The following MKX variants were observed in gnomAD, a reference collection of about 807,000 sequenced individuals.
MKX encodes mohawk homeobox.
In MKX, 13 loss-of-function variants were observed where a neutral mutation model predicts 36.0. The observed-to-expected ratio is 0.36, with a 90% CI of 0.24 to 0.57. The LOEUF (loss-of-function observed/expected upper bound fraction) is 0.57, where lower values mean the gene tolerates loss of function less well. Among genes scored for constraint, MKX ranks in the 20% least tolerant of loss-of-function variants. MKX has a pLI of 0.79. For synonymous variants in MKX, 176 were observed against 178.3 expected (o/e 0.99, Z 0.10); for missense variants, 458 against 456.4 (o/e 1.00, Z -0.03).
chr10:27,741,526 C>G lies in MKX; in HGVS notation c.189-22G>C, dbSNP rs199806590. On this transcript the variant is annotated intron_variant, in intron 2 of 6. Coordinates refer to ENST00000419761, the MANE Select transcript of MKX (RefSeq NM_173576.3). The surrounding 1 kb of genome is among the most constrained non-coding windows in gnomAD (Gnocchi z 5.1). ...GGCGCTGGGACATGGGGAGAGGAGGCGGCCCTGGTGAGCGACGCGTTTGCC... is the reference window on the plus strand; with the variant it reads ...GGCGCTGGGACATGGGGAGAGGAGGGGGCCCTGGTGAGCGACGCGTTTGCC... 6.4e-7 allele frequency: 1 copy of G among 1,562,984 alleles called. No homozygotes were observed. The highest frequency in any genetic ancestry group is 1.2e-5 in the South Asian group (1 of 85,282).
At chr10:27,685,519 G>A (rs528674872) in intron 5 of MKX, among the ~76,000 whole-genome samples, 1 of 149,508 alleles carries the variant, frequency 6.7e-6, no homozygotes, top group African/African-American at 2.5e-5. Context: ...CACGATCTCG[G>A]CTCACTGCAA....
rs1036777603 is a variant in MKX at position 27,675,138 on chromosome 10, G to C, written c.*91C>G. 11 of 1,208,766 alleles carry C rather than the reference G, an allele frequency of 9.1e-6. No homozygotes were observed. The highest frequency in any genetic ancestry group is 1.3e-5 in the Non-Finnish European group (11 of 856,488). 74.9% of individuals were successfully genotyped at this position (1,208,766 alleles called of 1,614,324 possible). A position where few individuals can be genotyped will look rare whatever the true frequency, so the allele number is the denominator to read the frequency against. On this transcript the variant is annotated 3_prime_UTR_variant, in exon 7 of 7. Transcript: ENST00000419761. ...TAAAAATAAGAAGAGGTTTGGGAGAGAGTCATTTTCATCCCTGCTTCGGCT... is the reference window on the plus strand; with the variant it reads ...TAAAAATAAGAAGAGGTTTGGGAGACAGTCATTTTCATCCCTGCTTCGGCT...
rs1473061180 is a variant in MKX, at chr10:27,711,492, T to TTC, written c.838+22963_838+22964insGA. On this transcript the variant is annotated intron_variant, in intron 5 of 6. Coordinates refer to ENST00000419761, the MANE Select transcript of MKX (RefSeq NM_173576.3). ...CTTTCTTTCTTTCTTTCTCTCTCTCTCTCTTCTTTCCTTCCTTCCTTCCTT... is the reference window on the plus strand; with the variant it reads ...CTTTCTTTCTTTCTTTCTCTCTCTCTTCCTCTTCTTTCCTTCCTTCCTTCCTT... Among the ~76,000 whole-genome samples the TTC allele has an allele frequency of 8.1e-3, 351 of 43,566 alleles. 1 individual carries two copies. Among genetic ancestry groups the TTC allele is most frequent in the South Asian group, 0.015 (15 of 1,022 alleles). 28.6% of individuals were successfully genotyped at this position (43,566 alleles called of 152,430 possible). A position where few individuals can be genotyped will look rare whatever the true frequency, so the allele number is the denominator to read the frequency against.
At chr10:27,695,174 G>C (rs1836531675) in intron 5 of MKX, among the ~76,000 whole-genome samples, 4 of 152,124 alleles carry the variant, frequency 2.6e-5, no homozygotes, top group Admixed American at 2.0e-4. Flanking sequence ...TTAATGGCCA[G>C]CAGTAGCGTG....
chr10:27,676,185 G>A (rs567537541), intron 5 of MKX, among the ~76,000 whole-genome samples: 201 of 151,958 alleles, frequency 1.3e-3, no homozygotes, highest in African/African-American at 4.7e-3. Flanking sequence ...GAGGTGGGAG[G>A]ATTGCTTGAG....
At chr10:27,717,638 C>T (rs1430387456) in intron 5 of MKX, among the ~76,000 whole-genome samples, 3 of 152,202 alleles carry the variant, frequency 2.0e-5, no homozygotes, top group Non-Finnish European at 4.4e-5. Context: ...AAAAGAAAAC[C>T]CTTCAAATTC....
rs973393954 is a variant in MKX, at chr10:27,739,478, T to C, written c.348+1867A>G. Among the ~76,000 whole-genome samples the C allele has an allele frequency of 5.3e-5, 8 of 152,232 alleles. No homozygotes were observed. The East Asian group carries it at 1.5e-3, about 29-fold the overall frequency. ...TGTAAGAGAAAAAAAGTGTTTTGAATGAAAATTTCATGTAAAGCATATTTT... is the reference window on the plus strand; with the variant it reads ...TGTAAGAGAAAAAAAGTGTTTTGAACGAAAATTTCATGTAAAGCATATTTT... On this transcript the variant is annotated intron_variant, in intron 3 of 6. Coordinates refer to ENST00000419761, the MANE Select transcript of MKX (RefSeq NM_173576.3).
At chr10:27,717,883 G>A (rs749441316) in intron 5 of MKX, among the ~76,000 whole-genome samples, 6 of 152,300 alleles carry the variant, frequency 3.9e-5, no homozygotes, top group East Asian at 1.9e-4. Flanking sequence ...ACACAATGAT[G>A]ATAAGTGCCC....
intron 5 of MKX, among the ~76,000 whole-genome samples, chr10:27,699,867 TTC>T (rs1836621561): frequency 6.6e-6 from 1 of 152,230 alleles, no homozygotes; most frequent in African/African-American, 2.4e-5. Flanking sequence ...GTAGTAAGAA[TTC>T]AGCATTCTCC....
At chr10:27,679,680 T>C (rs1836218182) in intron 5 of MKX, among the ~76,000 whole-genome samples, 2 of 152,058 alleles carry the variant, frequency 1.3e-5, no homozygotes, top group African/African-American at 4.8e-5. Context: ...GAGTTGTTTC[T>C]TTTTTTTCTA....
intron 5 of MKX, among the ~76,000 whole-genome samples, chr10:27,690,316 G>C (rs1022389007): frequency 1.3e-5 from 2 of 152,098 alleles, no homozygotes; most frequent in Non-Finnish European, 2.9e-5. Flanking sequence ...GTTGCAGTGA[G>C]CCGAGATGGC....
rs1907394 is a variant in MKX at position 27,737,874 on chromosome 10, T to C, written c.349-2500A>G. On this transcript the variant is annotated intron_variant, in intron 3 of 6. Transcript: ENST00000419761. ...AGTACAGTGTAAAATCCAATTCTTA[T>C]GAAACTCTTCTTATAATGAAAATGC... 4.4e-3 allele frequency among the ~76,000 whole-genome samples: 673 copies of C among 152,258 alleles called. 20 individuals are homozygous for C. The highest frequency in any genetic ancestry group is 0.039 in the Admixed American group (603 of 15,300).
At chr10:27,712,756 C>T (rs1357307603) in intron 5 of MKX, among the ~76,000 whole-genome samples, 1 of 152,080 alleles carries the variant, frequency 6.6e-6, no homozygotes, top group Admixed American at 6.5e-5. Context: ...TGAGACAAAA[C>T]ACGACAAGAC....
chr10:27,697,456 A>G (rs1246786761), intron 5 of MKX, among the ~76,000 whole-genome samples: 1 of 152,094 alleles, frequency 6.6e-6, no homozygotes, highest in Admixed American at 6.5e-5. Context: ...AATTTATCTC[A>G]TTTCTTATTT....
rs994996121 is a variant in MKX at position 27,673,144 on chromosome 10, A to T, written c.*2085T>A. ...ATTGCAATTGGAGATATTACCAAGG[A>T]TGTGCTTACTATAAAGTCTTCTTGA... On this transcript the variant is annotated 3_prime_UTR_variant, in exon 7 of 7. Coordinates refer to ENST00000419761, the MANE Select transcript of MKX (RefSeq NM_173576.3). The T allele has an allele frequency of 1.3e-5, 2 of 152,200 alleles. No individual in the cohort carries two copies. Among genetic ancestry groups the T allele is most frequent in the East Asian group, 3.8e-4 (2 of 5,204 alleles). 9.4% of individuals were successfully genotyped at this position (152,200 alleles called of 1,614,324 possible). A position where few individuals can be genotyped will look rare whatever the true frequency, so the allele number is the denominator to read the frequency against.
chr10:27,727,493 A>G (rs1458713863), intron 5 of MKX, among the ~76,000 whole-genome samples: 9 of 152,274 alleles, frequency 5.9e-5, no homozygotes, highest in Non-Finnish European at 1.2e-4. Flanking sequence ...TCAAACATCA[A>G]ATTAATTTGA....
chr10:27,704,399 T>C (rs1836714393), intron 5 of MKX, among the ~76,000 whole-genome samples: 1 of 151,596 alleles, frequency 6.6e-6, no homozygotes, highest in Admixed American at 6.6e-5. Flanking sequence ...AAAAGAACAA[T>C]GAGGAAGAAT....
intron 5 of MKX, among the ~76,000 whole-genome samples, chr10:27,703,831 T>C (rs1589669631): frequency 6.6e-6 from 1 of 152,124 alleles, no homozygotes; most frequent in East Asian, 1.9e-4. Flanking sequence ...ACCCAGGAGA[T>C]GGAGGTTTCA....
chr10:27,714,109 G>C (rs74967886), intron 5 of MKX, among the ~76,000 whole-genome samples: 1 of 151,848 alleles, frequency 6.6e-6, no homozygotes, highest in East Asian at 1.9e-4. Context: ...TTCATGAGTG[G>C]AGCCCAAAGG....
Sources: allele counts gnomAD v4.1 joint callset (sites outside exome capture counted in the v4.1 genomes callset), GRCh38; gene constraint gnomAD v4.1.1; non-coding constraint Gnocchi (gnomAD v3.1); transcripts MANE v1.5; gene names NCBI Gene and HGNC (gene_info 2026-07-23, HGNC 2026-07-21).